PCNX2: variants seen among roughly 807,000 people sequenced by gnomAD.
PCNX2 encodes pecanex-like protein 2.
In PCNX2, 168 loss-of-function variants were observed where a neutral mutation model predicts 223.8. The ratio of observed to expected loss-of-function variants is 0.75; its 90% CI spans 0.66 to 0.85. The LOEUF (loss-of-function observed/expected upper bound fraction) is 0.85, where lower values mean the gene tolerates loss of function less well. Among genes scored for constraint, PCNX2 ranks in the 40% least tolerant of loss-of-function variants. The pLI is 0.00. For synonymous variants in PCNX2, 1,006 were observed against 1,052.6 expected, an observed-to-expected ratio of 0.96 and a Z score of 0.86; for missense variants, 2,507 against 2,675.5, an observed-to-expected ratio of 0.94 and a Z score of 1.39.
At chr1:233,093,043 C>CA (rs1673966089) in intron 22 of PCNX2, among the ~76,000 whole-genome samples, 1 of 152,168 alleles carries the variant, frequency 6.6e-6, no homozygotes, top group African/African-American at 2.4e-5. Context: ...TCATGATCTG[C>CA]CCTCCTTGGC....
At chr1:233,210,479 A>G in intron 12 of PCNX2, 1 of 502,554 alleles carries the variant, frequency 2.0e-6, no homozygotes, top group Non-Finnish European at 2.6e-6. Context: ...GGGTTTCACT[A>G]TGTTGGCCAG....
At chr1:233,035,447 A>G (rs989054687) in intron 25 of PCNX2, among the ~76,000 whole-genome samples, 1 of 152,252 alleles carries the variant, frequency 6.6e-6, no homozygotes, top group African/African-American at 2.4e-5. Flanking sequence ...TGAGTTTTAA[A>G]AGGATCATTG....
chr1:233,076,865 G>A (rs1673119666), intron 23 of PCNX2, among the ~76,000 whole-genome samples: 2 of 152,192 alleles, frequency 1.3e-5, no homozygotes, highest in South Asian at 4.1e-4. Flanking sequence ...TAATGACAAG[G>A]TGAGGGGAAG....
intron 23 of PCNX2, among the ~76,000 whole-genome samples, chr1:233,088,723 TA>T (rs1375032033): frequency 6.6e-6 from 1 of 152,168 alleles, no homozygotes; most frequent in African/African-American, 2.4e-5. Context: ...AGGGCACCCC[TA>T]AATGTGAGAT....
rs1187079699 is a variant in PCNX2, at chr1:233,179,166, T to G, written c.3076A>C (p.Ser1026Arg). 1 of 1,613,748 alleles carries G rather than the reference T, an allele frequency of 6.2e-7. No individual in the cohort carries two copies. Residue 1026 changes from serine to arginine, a missense_variant, in exon 16 of 34, where the codon AGC becomes CGC. This residue lies in a region of PCNX2 where 1,372 missense variants were observed against 1,509.4 expected (regional missense o/e 0.91). Transcript: ENST00000258229. ...AACAGTGCCGGGATGTGTTGCATGCTCCACGGTTCCTAAAGAAAAGACATC... is the reference window on the plus strand; with the variant it reads ...AACAGTGCCGGGATGTGTTGCATGCGCCACGGTTCCTAAAGAAAAGACATC... ...VCFSAVKEPW[S>R]MQHIPALFSA...
chr1:233,144,505 A>G (rs1159598028), intron 19 of PCNX2, among the ~76,000 whole-genome samples: 1 of 152,200 alleles, frequency 6.6e-6, no homozygotes, highest in Non-Finnish European at 1.5e-5. Context: ...CGCAGATGGT[A>G]CCAGAGAGTT....
chr1:233,283,130 G>C (rs1290964884), intron 1 of PCNX2, among the ~76,000 whole-genome samples: 1 of 91,734 alleles, frequency 1.1e-5, no homozygotes, highest in African/African-American at 3.1e-5. Context: ...TTTTAGGACT[G>C]AGCAAATGAT....
chr1:233,178,465 C>A (rs1029157498), intron 16 of PCNX2, among the ~76,000 whole-genome samples: 1 of 152,140 alleles, frequency 6.6e-6, no homozygotes, highest in African/African-American at 2.4e-5. Flanking sequence ...CCAGAGTACA[C>A]GTTACCAAAA....
intron 25 of PCNX2, among the ~76,000 whole-genome samples, chr1:233,026,018 G>A (rs192339640): frequency 2.0e-5 from 3 of 152,344 alleles, no homozygotes; most frequent in Non-Finnish European, 4.4e-5. Flanking sequence ...CCAATGCACT[G>A]TGAATACAGC....
chr1:233,230,520 C>T (rs79235571), intron 9 of PCNX2, among the ~76,000 whole-genome samples: 2,305 of 152,286 alleles, frequency 0.015, 67 homozygotes, highest in African/African-American at 0.053. Flanking sequence ...GCCTGGCATG[C>T]ATGAGGGCAG....
At chr1:233,079,028 G>A (rs1673226453) in intron 23 of PCNX2, among the ~76,000 whole-genome samples, 1 of 152,118 alleles carries the variant, frequency 6.6e-6, no homozygotes, top group Non-Finnish European at 1.5e-5. Flanking sequence ...GGAAATCTGA[G>A]GCAGAGAAGG....
Position 233,275,996 on chromosome 1 carries a change from A to G in PCNX2, c.154-12833T>C, listed in dbSNP as rs1204816705. Reference sequence around the variant, plus strand: ...CAGTGAGCCCAGGTCGTGTCACTGCACTCCAGCCTGATGACTGAGCGAGAC... The same window carrying G: ...CAGTGAGCCCAGGTCGTGTCACTGCGCTCCAGCCTGATGACTGAGCGAGAC... On this transcript the variant is annotated intron_variant, in intron 1 of 33. Transcript: ENST00000258229. Among the ~76,000 whole-genome samples, 14 of 151,628 alleles carry G rather than the reference A, an allele frequency of 9.2e-5. No individual in the cohort carries two copies. In the South Asian group the frequency reaches 2.7e-3, roughly 29 times the overall value.
rs577718967 is a variant in PCNX2, at chr1:233,276,211, G to A, written c.154-13048C>T. ...GAGGATGTTATATTAAGTCAAATAA[G>A]GCAATCACGAACAAGCAAATTCTGC... On this transcript the variant is annotated intron_variant, in intron 1 of 33. Coordinates refer to ENST00000258229, the MANE Select transcript of PCNX2 (RefSeq NM_014801.4). Among the ~76,000 whole-genome samples the A allele has an allele frequency of 3.0e-4, 45 of 152,224 alleles. 1 individual carries two copies. The highest frequency in any genetic ancestry group is 2.1e-3 in the South Asian group (10 of 4,808).
chr1:233,112,710 T>A, intron 21 of PCNX2: 10 of 619,404 alleles, frequency 1.6e-5, no homozygotes, highest in East Asian at 1.1e-4. Flanking sequence ...TGTAGATCTT[T>A]GAACAATATA....
intron 32 of PCNX2, among the ~76,000 whole-genome samples, chr1:232,988,474 T>C (rs1311283051): frequency 2.0e-5 from 3 of 152,142 alleles, no homozygotes; most frequent in Non-Finnish European, 1.5e-5. Context: ...AAGCAAACCA[T>C]GCTAAATGCA....
chr1:233,018,923 A>G (rs777146324), intron 26 of PCNX2: 6 of 985,418 alleles, frequency 6.1e-6, no homozygotes, highest in Non-Finnish European at 7.2e-6. Flanking sequence ...TATTGGGTGG[A>G]CGGAAACGAA....
intron 2 of PCNX2, 88 bp from the exon 3 acceptor site, chr1:233,262,253 T>A: frequency 6.7e-7 from 1 of 1,502,864 alleles, no homozygotes; most frequent in Non-Finnish European, 9.0e-7. Context: ...AAACTTTTTT[T>A]CCTAGAGTCC....
At chr1:233,177,672 G>A in intron 17 of PCNX2, 130 bp downstream of exon 17, 1 of 719,022 alleles carries the variant, frequency 1.4e-6, no homozygotes, top group Non-Finnish European at 2.3e-6. Flanking sequence ...AGTGTGCCAG[G>A]TACCAAGCGA....
intron 28 of PCNX2, among the ~76,000 whole-genome samples, chr1:233,007,968 C>T (rs1467720477): frequency 2.6e-5 from 4 of 152,166 alleles, no homozygotes; most frequent in East Asian, 1.9e-4. Context: ...CGTGAGCCAC[C>T]GTGCCCAGCC....
Sources: allele counts gnomAD v4.1 joint callset (sites outside exome capture counted in the v4.1 genomes callset), GRCh38; gene constraint gnomAD v4.1.1; regional missense constraint gnomAD v4.1.1; transcripts MANE v1.5; gene names NCBI Gene and HGNC (gene_info 2026-07-23, HGNC 2026-07-21).